Variants in ATAD2 observed in about 807,000 individuals in gnomAD.
The protein encoded by ATAD2 is ATPase family AAA domain containing 2, also known as ATPase family AAA domain-containing protein 2.
Under a neutral mutation model 168.9 loss-of-function variants are expected in ATAD2, and 62 were observed. That is an observed-to-expected ratio of 0.37 (90% CI 0.30 to 0.45). The LOEUF (loss-of-function observed/expected upper bound fraction) is 0.45. Ranked by LOEUF, ATAD2 falls within the 20% of genes least tolerant of loss-of-function variation. The pLI, the probability that ATAD2 is intolerant of heterozygous loss-of-function variation, is 1.00. For synonymous variants in ATAD2, 613 were observed against 571.6 expected, an observed-to-expected ratio of 1.07 and a Z score of -1.03; for missense variants, 1,419 against 1,667.8, an observed-to-expected ratio of 0.85 and a Z score of 2.60.
At chr8:123,334,102 C>T (rs957263327) in intron 23 of ATAD2, 81 bp from the exon 24 acceptor site, 3 of 1,556,478 alleles carry the variant, frequency 1.9e-6, no homozygotes, top group East Asian at 2.3e-5. Context: ...GTACAAAATA[C>T]ATCTGAAGCA....
intron 1 of ATAD2, among the ~76,000 whole-genome samples, chr8:123,385,906 G>A (rs991237327): frequency 2.7e-5 from 4 of 150,586 alleles, no homozygotes; most frequent in African/African-American, 9.8e-5. Context: ...TTTCTCCAAA[G>A]ATAGACAAAT....
intron 27 of ATAD2, among the ~76,000 whole-genome samples, chr8:123,322,079 C>T (rs1827485013): frequency 6.6e-6 from 1 of 151,346 alleles, no homozygotes; most frequent in Admixed American, 6.6e-5. Flanking sequence ...CCTCTGCCTC[C>T]CAGGTTCAAG....
chr8:123,342,728 G>C (rs34136040), intron 19 of ATAD2, among the ~76,000 whole-genome samples: 6,586 of 152,200 alleles, frequency 0.043, 193 homozygotes, highest in Non-Finnish European at 0.067. Context: ...TGGAGGTTCT[G>C]TAATCAATTA....
intron 19 of ATAD2, among the ~76,000 whole-genome samples, chr8:123,339,906 T>C (rs1395689031): frequency 1.3e-5 from 2 of 152,100 alleles, no homozygotes; most frequent in Admixed American, 6.5e-5. Context: ...TCTTTTTTTT[T>C]TTAAGAGACA....
At chr8:123,369,790 A>G (rs781721426) in intron 7 of ATAD2, 31 bp downstream of exon 7, 2 of 1,509,892 alleles carry the variant, frequency 1.3e-6, no homozygotes, top group Non-Finnish European at 1.8e-6. Context: ...ATATAATTAC[A>G]TCTCCTGGAA....
intron 9 of ATAD2, 83 bp downstream of exon 9, chr8:123,361,456 C>T: frequency 8.6e-7 from 1 of 1,156,224 alleles, no homozygotes; most frequent in Non-Finnish European, 1.3e-6. Flanking sequence ...CCAGCCTATA[C>T]TTATACCCAA....
chr8:123,380,803 C>T, intron 1 of ATAD2, 126 bp from the exon 2 acceptor site: 1 of 877,494 alleles, frequency 1.1e-6, no homozygotes, highest in South Asian at 1.8e-5. Context: ...CATTTTGTAT[C>T]TCCCCAAGAA....
rs13258197 is a variant in ATAD2 at position 123,396,220 on chromosome 8, C to T, written c.138G>A (p.Gln46=). The change falls in exon 1 of 28, where the codon CAG becomes CAA. Residue 46 remains glutamine (Q), a synonymous_variant. Coordinates refer to ENST00000287394, the MANE Select transcript of ATAD2 (RefSeq NM_014109.4). The part of the protein sequence containing the change: ...RRRLRSAGAA[Q]KKPAATTAKA... ...TGGCTGTGGTCGCCGCGGGTTTCTT[C>T]TGCGCCGCGCCGGCCGAGCGGAGCC... 144 of 1,596,546 alleles carry T rather than the reference C, an allele frequency of 9.0e-5. No individual in the cohort carries two copies. In the Middle Eastern group the frequency reaches 9.2e-4, roughly 10 times the overall value.
intron 2 of ATAD2, among the ~76,000 whole-genome samples, chr8:123,376,562 TACACAC>T (rs529588632): frequency 1.3e-5 from 2 of 150,156 alleles, no homozygotes; most frequent in Non-Finnish European, 3.0e-5. Flanking sequence ...TCAAAAAAAA[TACACAC>T]ACACACACAC....
chr8:123,357,752 T>A lies in ATAD2; in HGVS notation c.1383-16A>T. The A allele has an allele frequency of 6.4e-7, 1 of 1,562,456 alleles. No individual in the cohort carries two copies. Among genetic ancestry groups the A allele is most frequent in the Non-Finnish European group, 8.6e-7 (1 of 1,158,818 alleles). Reference sequence around the variant, plus strand: ...CAAACAACCTCTGTAAAACAATACATTAACATTTTAGTATTACATTTAAAA... The same window carrying A: ...CAAACAACCTCTGTAAAACAATACAATAACATTTTAGTATTACATTTAAAA... On this transcript the variant is annotated splice_polypyrimidine_tract_variant and intron_variant, in intron 11 of 27. Transcript: ENST00000287394.
rs754427266 is a variant in ATAD2 at position 123,346,769 on chromosome 8, G to A, written c.2213-19C>T. 19 of 1,564,974 alleles carry A rather than the reference G, an allele frequency of 1.2e-5. No individual in the cohort carries two copies. Among genetic ancestry groups the A allele is most frequent in the African/African-American group, 2.8e-5 (2 of 72,324 alleles). Reference sequence around the variant, plus strand: ...GAAATATCTATAAAACCAAAAAATTGTACATTAGTAACTTTTGGATTGCAA... The same window carrying A: ...GAAATATCTATAAAACCAAAAAATTATACATTAGTAACTTTTGGATTGCAA... On this transcript the variant is annotated intron_variant, in intron 16 of 27. Coordinates refer to ENST00000287394, the MANE Select transcript of ATAD2 (RefSeq NM_014109.4).
At chr8:123,336,040 C>T (rs1237261258) in intron 22 of ATAD2, among the ~76,000 whole-genome samples, 2 of 152,118 alleles carry the variant, frequency 1.3e-5, no homozygotes, top group Non-Finnish European at 2.9e-5. Context: ...AGAGTGCCTA[C>T]TTTTCCACTT....
At chr8:123,364,827 TGGGGAAA>T (rs1828923349) in intron 8 of ATAD2, among the ~76,000 whole-genome samples, 1 of 152,256 alleles carries the variant, frequency 6.6e-6, no homozygotes, top group African/African-American at 2.4e-5. Flanking sequence ...TAATACTGAA[TGGGGAAA>T]GGTTAAAAGC....
intron 1 of ATAD2, among the ~76,000 whole-genome samples, chr8:123,385,931 T>C (rs963106221): frequency 6.7e-6 from 1 of 149,104 alleles, no homozygotes; most frequent in Non-Finnish European, 1.5e-5. Flanking sequence ...AATAAACACA[T>C]GAAAAGATGC....
intron 3 of ATAD2, 80 bp downstream of exon 3, chr8:123,372,557 A>C: frequency 9.3e-7 from 1 of 1,075,788 alleles, no homozygotes. Context: ...TGTAAAATTT[A>C]TTGTAGGTAC....
At chr8:123,364,569 A>C (rs1310215525) in intron 8 of ATAD2, among the ~76,000 whole-genome samples, 1 of 152,200 alleles carries the variant, frequency 6.6e-6, no homozygotes, top group Admixed American at 6.5e-5. Flanking sequence ...CAAAAAAGAT[A>C]ATCTACTATG....
intron 22 of ATAD2, among the ~76,000 whole-genome samples, chr8:123,335,025 G>C (rs562599669): frequency 2.0e-4 from 31 of 152,076 alleles, no homozygotes; most frequent in Non-Finnish European, 2.9e-4. Context: ...CTGTGTCACC[G>C]GGAAACTCAT....
intron 8 of ATAD2, among the ~76,000 whole-genome samples, chr8:123,362,569 T>C (rs1157593283): frequency 6.6e-6 from 1 of 151,644 alleles, no homozygotes; most frequent in Non-Finnish European, 1.5e-5. Context: ...GTATGAGCCA[T>C]TGTGCCCAGT....
intron 1 of ATAD2, among the ~76,000 whole-genome samples, chr8:123,393,149 C>T (rs1466567449): frequency 1.3e-5 from 2 of 148,716 alleles, no homozygotes; most frequent in African/African-American, 2.5e-5. Context: ...TGGGCCACTG[C>T]ACTCCAGCCT....
Sources: allele counts gnomAD v4.1 joint callset (sites outside exome capture counted in the v4.1 genomes callset), GRCh38; gene constraint gnomAD v4.1.1; transcripts MANE v1.5; gene names NCBI Gene and HGNC (gene_info 2026-07-23, HGNC 2026-07-21).